Variants in NCALD observed in about 807,000 individuals in gnomAD.
NCALD encodes the protein neurocalcin-delta.
A neutral mutation model predicts 18.6 loss-of-function variants in NCALD; 10 were observed. The observed-to-expected ratio is 0.54, with a 90% confidence interval of 0.33 to 0.91. The LOEUF (loss-of-function observed/expected upper bound fraction) is 0.91. Among genes scored for constraint, NCALD ranks in the 40% least tolerant of loss-of-function variants. The pLI is 0.03. For missense variants in NCALD, 184 were observed against 247.6 expected (o/e 0.74, Z 1.72); for synonymous variants, 88 against 87.4 (o/e 1.01, Z -0.04).
intron 1 of NCALD, among the ~76,000 whole-genome samples, chr8:102,028,121 AT>A (rs920705668): frequency 2.0e-5 from 3 of 152,228 alleles, no homozygotes; most frequent in African/African-American, 7.2e-5. Flanking sequence ...ACACAGAAAA[AT>A]GTCCTTATTT....
chr8:101,731,055 A>G (rs567387215), intron 1 of NCALD, among the ~76,000 whole-genome samples: 7 of 152,292 alleles, frequency 4.6e-5, no homozygotes, highest in Admixed American at 1.3e-4. Flanking sequence ...CCCACTGAGA[A>G]AGCAACATTG....
intron 4 of NCALD, among the ~76,000 whole-genome samples, chr8:101,817,965 G>A (rs182730842): frequency 5.3e-5 from 8 of 152,198 alleles, no homozygotes; most frequent in African/African-American, 9.6e-5. Context: ...AAATCTGTAC[G>A]GTGGACTCTG....
chr8:102,118,885 G>A (rs1194199056), intron 1 of NCALD, among the ~76,000 whole-genome samples: 1 of 152,154 alleles, frequency 6.6e-6, no homozygotes, highest in East Asian at 1.9e-4. Flanking sequence ...TCAAGAATGT[G>A]TTCAACATTT....
intron 2 of NCALD, among the ~76,000 whole-genome samples, chr8:101,939,216 A>C (rs145019639): frequency 8.8e-4 from 134 of 152,362 alleles, no homozygotes; most frequent in Middle Eastern, 3.4e-3. Flanking sequence ...CAAGTGAATG[A>C]AGATCTTTCC....
At chr8:101,771,584 A>G (rs1372982058) in intron 1 of NCALD, among the ~76,000 whole-genome samples, 8 of 152,218 alleles carry the variant, frequency 5.3e-5, no homozygotes, top group Non-Finnish European at 1.2e-4. Flanking sequence ...CAACAAATGC[A>G]TCTAATGCCT....
At position 101,776,541 on chromosome 8, in the gene NCALD, C is replaced by T. The variant is rs553584181; in HGVS notation, c.-20+14321G>A. Among the ~76,000 whole-genome samples the T allele has an allele frequency of 3.3e-5, 5 of 152,074 alleles. No homozygotes were observed. In the South Asian group the frequency reaches 6.2e-4, roughly 19 times the overall value. On this transcript the variant is annotated intron_variant, in intron 1 of 3. Transcript: ENST00000220931. ...AGGACTTTCAGATGGTGACTGGAGT[C>T]GGAGGCATTGGAGCAAGGAAGTTCT...
At chr8:102,035,840 A>G (rs950351443) in intron 1 of NCALD, among the ~76,000 whole-genome samples, 3 of 152,192 alleles carry the variant, frequency 2.0e-5, no homozygotes, top group Non-Finnish European at 4.4e-5. Context: ...ATGTTCTTGC[A>G]GCATTTCTAG....
At chr8:101,927,291 G>A (rs1385929350) in intron 2 of NCALD, among the ~76,000 whole-genome samples, 1 of 152,200 alleles carries the variant, frequency 6.6e-6, no homozygotes, top group Non-Finnish European at 1.5e-5. Context: ...ACCAACAGAA[G>A]AGCAAAGTCC....
In NCALD at chr8:102,109,833, T is replaced by A. The variant is rs375849739; in HGVS notation, c.-210+14404A>T. Among the ~76,000 whole-genome samples, 6 of 152,070 alleles carry A rather than the reference T, an allele frequency of 3.9e-5. No individual in the cohort carries two copies. The East Asian group carries it at 7.7e-4, about 20-fold the overall frequency. On this transcript the variant is annotated intron_variant, in intron 1 of 6. Coordinates refer to the NCALD transcript ENST00000311028. ...AATAAAATATGCACAATATAGAAAA[T>A]TAGAAAGAAGAAAGAATCACTCTTA...
chr8:101,960,870 G>T (rs531026533), intron 2 of NCALD, among the ~76,000 whole-genome samples: 13 of 152,108 alleles, frequency 8.5e-5, no homozygotes, highest in African/African-American at 2.9e-4. Flanking sequence ...TGCATTTGCT[G>T]TTTCTTCTGC....
chr8:101,819,857 A>C (rs1334873590), intron 4 of NCALD, among the ~76,000 whole-genome samples: 1 of 152,238 alleles, frequency 6.6e-6, no homozygotes, highest in Non-Finnish European at 1.5e-5. Context: ...CCAGGAGCAC[A>C]GGAGCAAATG....
intron 2 of NCALD, among the ~76,000 whole-genome samples, chr8:101,694,878 C>G: frequency 6.6e-6 from 1 of 152,104 alleles, no homozygotes; most frequent in East Asian, 1.9e-4. Context: ...AGAAGAGAGG[C>G]CCTGAGATTT....
intron 2 of NCALD, among the ~76,000 whole-genome samples, chr8:102,000,316 G>A (rs28592118): frequency 0.012 from 1,805 of 152,312 alleles, 30 homozygotes; most frequent in African/African-American, 0.037. Context: ...AGATGGCAGC[G>A]AGGCTGGGGG....
intron 2 of NCALD, among the ~76,000 whole-genome samples, chr8:101,997,846 A>T (rs1821295130): frequency 6.6e-6 from 1 of 152,196 alleles, no homozygotes; most frequent in Non-Finnish European, 1.5e-5. Flanking sequence ...GCTACAGTGG[A>T]TGTTTTTCCC....
chr8:101,797,496 T>C (rs1326799638), intron 4 of NCALD, among the ~76,000 whole-genome samples: 1 of 152,184 alleles, frequency 6.6e-6, no homozygotes, highest in African/African-American at 2.4e-5. Context: ...AAATTTTTTA[T>C]TATATATACA....
chr8:101,912,652 C>T (rs1817841890), intron 3 of NCALD, among the ~76,000 whole-genome samples: 1 of 152,198 alleles, frequency 6.6e-6, no homozygotes, highest in Non-Finnish European at 1.5e-5. Flanking sequence ...CTTTAGTTTG[C>T]TCATCTGTGG....
At chr8:101,979,130 A>T (rs1017852201) in intron 2 of NCALD, among the ~76,000 whole-genome samples, 4 of 152,194 alleles carry the variant, frequency 2.6e-5, no homozygotes, top group Admixed American at 2.6e-4. Context: ...ATTCCAGAAG[A>T]TTCCAAGAGT....
intron 4 of NCALD, among the ~76,000 whole-genome samples, chr8:101,863,422 T>TC: frequency 6.6e-6 from 1 of 152,278 alleles, no homozygotes; most frequent in African/African-American, 2.4e-5. Context: ...CTCTATCACC[T>TC]CCCCTTTCTT....
In NCALD at chr8:101,875,945, A is replaced by G. The variant is rs866268573; in HGVS notation, c.-20+11196T>C. ...GTAGTAGTGAACTGATTCTTTCTCT[A>G]TTGTTTTTATGAGAGAAGCTTGGCC... is the stretch of plus-strand genomic sequence containing the variant. On this transcript the variant is annotated intron_variant, in intron 4 of 6. Coordinates refer to the NCALD transcript ENST00000311028. Among the ~76,000 whole-genome samples, 3 of 152,160 alleles carry G rather than the reference A, an allele frequency of 2.0e-5. No individual in the cohort carries two copies. In the South Asian group the frequency reaches 6.2e-4, roughly 31 times the overall value.
Sources: gnomAD v4.1 joint callset for allele counts (sites outside exome capture counted in the v4.1 genomes callset) on GRCh38, gnomAD v4.1.1 for gene constraint, MANE v1.5 for transcripts, NCBI Gene and HGNC (gene_info 2026-07-23, HGNC 2026-07-21) for gene names.